KIRREL3: variants seen among roughly 807,000 people sequenced by gnomAD.
The protein encoded by KIRREL3 is kin of IRRE-like protein 3.
KIRREL3 carries 36 observed loss-of-function variants against 89.7 expected under a neutral mutation model. That is an observed-to-expected ratio of 0.40 (90% CI 0.31 to 0.53). The LOEUF is 0.53. KIRREL3 is among the 20% of genes least tolerant of loss of function. The pLI, the probability that KIRREL3 is intolerant of heterozygous loss-of-function variation, is 0.49. For missense variants in KIRREL3, 864 were observed against 1,056.6 expected, an observed-to-expected ratio of 0.82 and a Z score of 2.53; for synonymous variants, 445 against 441.4, an observed-to-expected ratio of 1.01 and a Z score of -0.10.
chr11:126,971,085 T>C (rs1949414880), intron 1 of KIRREL3, among the ~76,000 whole-genome samples: 4 of 152,244 alleles, frequency 2.6e-5, no homozygotes, highest in Admixed American at 2.6e-4. Context: ...CTCTTGTCAT[T>C]TCCCTCAAAG....
intron 13 of KIRREL3, among the ~76,000 whole-genome samples, chr11:126,434,298 C>G (rs576877337): frequency 6.6e-6 from 1 of 152,338 alleles, no homozygotes; most frequent in East Asian, 1.9e-4. Context: ...TTGGGGAGCT[C>G]TGGATGAGTG....
rs1268836074 is a variant in KIRREL3, at chr11:126,877,537, C to T, written c.55+122918G>A. On this transcript the variant is annotated intron_variant, in intron 1 of 16. Transcript: ENST00000525144. This position sits in a 1 kb window ranked among gnomAD's most constrained non-coding sequence, Gnocchi z 4.9. The stretch of plus-strand genomic sequence containing the variant: ...ACACCTATATGGACACAAGGTCTAC[C>T]TCCAAAAATGAAATTCATTATATTT... Among the ~76,000 whole-genome samples the T allele has an allele frequency of 6.6e-6, 1 of 152,194 alleles. No homozygotes were observed. The highest frequency in any genetic ancestry group is 2.4e-5 in the African/African-American group (1 of 41,452).
At chr11:126,453,046 C>T (rs1479702022) in intron 7 of KIRREL3, among the ~76,000 whole-genome samples, 2 of 150,988 alleles carry the variant, frequency 1.3e-5, no homozygotes, top group Non-Finnish European at 3.0e-5. Flanking sequence ...TTGTCTCCTC[C>T]CCTCTCCCCA....
chr11:126,533,978 G>T (rs1959022235), intron 2 of KIRREL3, among the ~76,000 whole-genome samples: 1 of 152,188 alleles, frequency 6.6e-6, no homozygotes, highest in African/African-American at 2.4e-5. Flanking sequence ...GACCTGGAAT[G>T]GCAGGTGGCT....
rs1958792889 is a variant in KIRREL3, at chr11:126,527,271, A to G, written c.134-584T>C. Among the ~76,000 whole-genome samples the G allele has an allele frequency of 6.6e-6, 1 of 151,978 alleles. No homozygotes were observed. The highest frequency in any genetic ancestry group is 1.5e-5 in the Non-Finnish European group (1 of 67,986). The stretch of plus-strand genomic sequence containing the variant: ...AGGAGGTGTGCTGAGGAGGCGTGCC[A>G]TCCTACCGTGTCCTCCCTGTCCCTT... On this transcript the variant is annotated intron_variant, in intron 2 of 16. Coordinates refer to ENST00000525144, the MANE Select transcript of KIRREL3 (RefSeq NM_032531.4). This position sits in a 1 kb window ranked among gnomAD's most constrained non-coding sequence, Gnocchi z 4.2.
rs1005096410 is a variant in KIRREL3 at position 126,668,945 on chromosome 11, G to A, written c.56-106033C>T. Among the ~76,000 whole-genome samples the A allele has an allele frequency of 6.6e-6, 1 of 151,888 alleles. No homozygotes were observed. Among genetic ancestry groups the A allele is most frequent in the African/African-American group, 2.4e-5 (1 of 41,322 alleles). On this transcript the variant is annotated intron_variant, in intron 1 of 16. Coordinates refer to ENST00000525144, the MANE Select transcript of KIRREL3 (RefSeq NM_032531.4). The surrounding 1 kb of genome is among the most constrained non-coding windows in gnomAD (Gnocchi z 4.4). ...CTTTCCTGCCTATGTTGGGGTGCTG[G>A]GTACTGACAGTAAGAGTGTCCAGGA...
At chr11:126,638,593 G>A (rs1357796597) in intron 1 of KIRREL3, among the ~76,000 whole-genome samples, 1 of 152,186 alleles carries the variant, frequency 6.6e-6, no homozygotes, top group Non-Finnish European at 1.5e-5. Flanking sequence ...TGCCTTAGGC[G>A]GGCTGGGGTG....
At chr11:126,451,304 G>GTGGT (rs1956126853) in intron 7 of KIRREL3, among the ~76,000 whole-genome samples, 3 of 145,712 alleles carry the variant, frequency 2.1e-5, no homozygotes, top group African/African-American at 5.1e-5. Context: ...ATGTGTGCAT[G>GTGGT]TGTGTGCATG....
chr11:126,521,392 A>C lies in KIRREL3; in HGVS notation c.356T>G (p.Leu119Arg). ...GCACTCGTACACCGCATCGTCTTGC[A>C]GCTCTGCCCTCAGGATCTTCAGGTG... Reference protein sequence around the residue: ...EHHLKILRAELQDDAVYECQA... With the variant: ...EHHLKILRAERQDDAVYECQA... The change falls in exon 4 of 17, where the codon CTG becomes CGG. Residue 119 changes from leucine (L) to arginine (R), a missense_variant. Physicochemically the swap from Leu to Arg is moderately radical, Grantham distance 102. Coordinates refer to ENST00000525144, the MANE Select transcript of KIRREL3 (RefSeq NM_032531.4). This position sits in a 1 kb window ranked among gnomAD's most constrained non-coding sequence, Gnocchi z 4.1. The C allele has an allele frequency of 6.4e-7, 1 of 1,568,074 alleles. No homozygotes were observed.
intron 1 of KIRREL3, among the ~76,000 whole-genome samples, chr11:126,700,673 C>G (rs1021534822): frequency 6.6e-6 from 1 of 152,180 alleles, no homozygotes; most frequent in East Asian, 1.9e-4. Context: ...AGGAAGCAGC[C>G]GGGGCTCTGA....
intron 1 of KIRREL3, among the ~76,000 whole-genome samples, chr11:126,758,883 T>C (rs1284504875): frequency 6.6e-6 from 1 of 152,136 alleles, no homozygotes; most frequent in African/African-American, 2.4e-5. Context: ...CCTTACAAAA[T>C]GGAATGAGAC....
Position 126,485,538 on chromosome 11 carries a change from C to T in KIRREL3, c.434-12072G>A, listed in dbSNP as rs369073051. ...CATAGATATTATAGTAGCTGTTGTA[C>T]AGGGCTGGTGTGCTGTTTAAATGAG... On this transcript the variant is annotated intron_variant, in intron 4 of 16. Coordinates refer to ENST00000525144, the MANE Select transcript of KIRREL3 (RefSeq NM_032531.4). This position sits in a 1 kb window ranked among gnomAD's most constrained non-coding sequence, Gnocchi z 5.8. 2.0e-5 allele frequency among the ~76,000 whole-genome samples: 3 copies of T among 152,202 alleles called. No individual in the cohort carries two copies. The highest frequency in any genetic ancestry group is 3.8e-4 in the East Asian group (2 of 5,202).
chr11:126,458,932 C>T (rs146457087), intron 6 of KIRREL3, among the ~76,000 whole-genome samples: 173 of 152,340 alleles, frequency 1.1e-3, no homozygotes, highest in African/African-American at 3.6e-3. Context: ...AGTTCCAGCC[C>T]TCTTTCCATG....
At chr11:126,665,030 T>C (rs1188971767) in intron 1 of KIRREL3, among the ~76,000 whole-genome samples, 5 of 152,234 alleles carry the variant, frequency 3.3e-5, no homozygotes, top group South Asian at 2.1e-4. Flanking sequence ...CACTCTACTT[T>C]ATCCAGCTTG....
At position 126,473,327 on chromosome 11, in the gene KIRREL3, A is replaced by G. The variant is rs1194070860; in HGVS notation, c.573T>C (p.Asn191=). Residue 191 remains asparagine (N), a synonymous_variant, in exon 5 of 17, where the codon AAT becomes AAC. Coordinates refer to ENST00000525144, the MANE Select transcript of KIRREL3 (RefSeq NM_032531.4). ...IIWLRKGEVI[N]GATYSKTLLR... ...GCCTCACCTTGGAGTAGGTGGCCCC[A>G]TTGATGACCTCTCCCTTTCGCAACC... 1 of 1,150,810 alleles carries G rather than the reference A, an allele frequency of 8.7e-7. No homozygotes were observed. The highest frequency in any genetic ancestry group is 7.4e-5 in the East Asian group (1 of 13,524). 71.3% of individuals were successfully genotyped at this position (1,150,810 alleles called of 1,614,324 possible). A position where few individuals can be genotyped will look rare whatever the true frequency, so the allele number is the denominator to read the frequency against.
At position 126,723,626 on chromosome 11, in the gene KIRREL3, T is replaced by G. The variant is rs900608758; in HGVS notation, c.56-160714A>C. On this transcript the variant is annotated intron_variant, in intron 1 of 16. Coordinates refer to ENST00000525144, the MANE Select transcript of KIRREL3 (RefSeq NM_032531.4). The surrounding 1 kb of genome is among the most constrained non-coding windows in gnomAD (Gnocchi z 4.0). The stretch of plus-strand genomic sequence containing the variant: ...CAGCAAACAGAACATTTTCTACTTT[T>G]CTATACTGTAAGATTTTTGAAAGCA... 1.3e-5 allele frequency among the ~76,000 whole-genome samples: 2 copies of G among 152,220 alleles called. No individual in the cohort carries two copies. The highest frequency in any genetic ancestry group is 4.8e-5 in the African/African-American group (2 of 41,460).
At chr11:126,559,735 T>A (rs182987530) in intron 2 of KIRREL3, among the ~76,000 whole-genome samples, 40 of 152,246 alleles carry the variant, frequency 2.6e-4, no homozygotes, top group African/African-American at 9.4e-4. Context: ...AGTGGCAGGA[T>A]CTTGGCTCAC....
Position 126,574,451 on chromosome 11 carries a change from C to T in KIRREL3, c.56-11539G>A, listed in dbSNP as rs1161048209. ...AGTATGGAATCAACCTCAAACAGGT[C>T]CAGGGGAGCGATTCTGAGCCACCAG... On this transcript the variant is annotated intron_variant, in intron 1 of 16. Transcript: ENST00000525144. This position sits in a 1 kb window ranked among gnomAD's most constrained non-coding sequence, Gnocchi z 5.3. Among the ~76,000 whole-genome samples the T allele has an allele frequency of 6.6e-6, 1 of 152,148 alleles. No homozygotes were observed. The highest frequency in any genetic ancestry group is 6.5e-5 in the Admixed American group (1 of 15,280).
Position 126,533,515 on chromosome 11 carries a change from T to C in KIRREL3, c.134-6828A>G, listed in dbSNP as rs373543466. 2.6e-5 allele frequency among the ~76,000 whole-genome samples: 4 copies of C among 152,310 alleles called. No individual in the cohort carries two copies. The East Asian group carries it at 7.7e-4, about 29-fold the overall frequency. ...TCTGGGTGGATCAGAGTTGACCAGC[T>C]ATCCAAGAGTGACTGAAGCCTATGT... On this transcript the variant is annotated intron_variant, in intron 2 of 16. Transcript: ENST00000525144.
Sources: allele counts gnomAD v4.1 joint callset (sites outside exome capture counted in the v4.1 genomes callset), GRCh38; gene constraint gnomAD v4.1.1; non-coding constraint Gnocchi (gnomAD v3.1); transcripts MANE v1.5; gene names NCBI Gene and HGNC (gene_info 2026-07-23, HGNC 2026-07-21).